ADGB: variants seen among roughly 807,000 people sequenced by gnomAD.
The protein encoded by ADGB is calpain-7-like protein.
In ADGB, 172 loss-of-function variants were observed where a neutral mutation model predicts 210.5. That is an observed-to-expected ratio of 0.82 (90% confidence interval 0.72 to 0.93). ADGB has a LOEUF of 0.93. Among genes scored for constraint, ADGB ranks in the 40% least tolerant of loss-of-function variants. The pLI, the probability that ADGB is intolerant of heterozygous loss-of-function variation, is 0.00. For synonymous variants in ADGB, 658 were observed against 662.7 expected, an observed-to-expected ratio of 0.99 and a Z score of 0.11; for missense variants, 2,025 against 1,964.8, an observed-to-expected ratio of 1.03 and a Z score of -0.58.
rs548440742 is a variant in ADGB at position 146,772,779 on chromosome 6, T to C, written c.3862+3648T>C. Among the ~76,000 whole-genome samples, 160 of 151,840 alleles carry C rather than the reference T, an allele frequency of 1.1e-3. 8 individuals carry two copies. The South Asian group carries it at 0.031, about 30-fold the overall frequency. The stretch of plus-strand genomic sequence containing the variant: ...AGTGTGTTATGTAAAATTTTGTAAA[T>C]TTGGGATATTTAGAAAAAAAAATGA... On this transcript the variant is annotated intron_variant, in intron 29 of 35. Transcript: ENST00000397944.
intron 33 of ADGB, among the ~76,000 whole-genome samples, chr6:146,797,620 C>A (rs1429351475): frequency 6.6e-6 from 1 of 152,016 alleles, no homozygotes; most frequent in Non-Finnish European, 1.5e-5. Flanking sequence ...TTCACAGCAA[C>A]CTGGATGCAG....
intron 5 of ADGB, among the ~76,000 whole-genome samples, chr6:146,662,344 T>C (rs908508204): frequency 1.3e-5 from 2 of 152,156 alleles, no homozygotes; most frequent in African/African-American, 4.8e-5. Context: ...ATTTTCCTGT[T>C]ATTCGTAATT....
chr6:146,802,752 G>C, intron 35 of ADGB: 3 of 1,562,622 alleles, frequency 1.9e-6, no homozygotes, highest in Non-Finnish European at 1.8e-6. Context: ...CACAGTTCAG[G>C]GATGTTTTGA....
chr6:146,788,454 G>T lies in ADGB; in HGVS notation c.4381G>T (p.Glu1461Ter), dbSNP rs1275576016. The change falls in exon 33 of 36, where the codon GAG (glutamate) becomes TAG (stop). Residue 1461 changes from glutamate (E) to a stop codon, truncating the protein, a stop_gained. Transcript: ENST00000397944. LOFTEE classifies it high-confidence loss of function. Reference protein sequence around the residue: ...SKNSAGSESKEMTQTGSGSAV... With the variant: ...SKNSAGSESK ...GAATTCTGCAGGTTCAGAGAGCAAA[G>T]AGATGACACAAACAGGATCAGGGAG... is the stretch of plus-strand genomic sequence containing the variant. 6.4e-7 allele frequency: 1 copy of T among 1,551,582 alleles called. No homozygotes were observed. Among genetic ancestry groups the T allele is most frequent in the African/African-American group, 1.4e-5 (1 of 73,118 alleles).
chr6:146,708,167 A>G (rs986595954), intron 13 of ADGB, among the ~76,000 whole-genome samples: 1 of 152,040 alleles, frequency 6.6e-6, no homozygotes, highest in African/African-American at 2.4e-5. Flanking sequence ...ATATCCCTTG[A>G]CAAATTATTG....
intron 3 of ADGB, among the ~76,000 whole-genome samples, chr6:146,653,282 A>T (rs1775730545): frequency 6.6e-6 from 1 of 151,960 alleles, no homozygotes; most frequent in Admixed American, 6.6e-5. Flanking sequence ...TACATATTAC[A>T]ATGGAATAAC....
intron 27 of ADGB, among the ~76,000 whole-genome samples, chr6:146,758,175 G>C (rs1244483959): frequency 6.6e-6 from 1 of 151,940 alleles, no homozygotes; most frequent in Non-Finnish European, 1.5e-5. Flanking sequence ...TCCATTTCTA[G>C]TTTTTTCTTT....
intron 24 of ADGB, 37 bp downstream of exon 24, chr6:146,740,630 T>A (rs2114597805): frequency 6.5e-7 from 1 of 1,536,684 alleles, no homozygotes; most frequent in African/African-American, 1.4e-5. Flanking sequence ...TGTCTCTAAA[T>A]GGCTTGCAAT....
At chr6:146,653,553 A>C (rs1019127694) in intron 3 of ADGB, among the ~76,000 whole-genome samples, 1 of 152,174 alleles carries the variant, frequency 6.6e-6, no homozygotes, top group Non-Finnish European at 1.5e-5. Context: ...ATACATCGAC[A>C]CATAGAAGGG....
Position 146,654,363 on chromosome 6 carries a change from G to T in ADGB, c.402+157G>T, listed in dbSNP as rs574092194. Among the ~76,000 whole-genome samples the T allele has an allele frequency of 4.0e-5, 6 of 151,648 alleles. 1 individual carries two copies. In the South Asian group the frequency reaches 1.3e-3, roughly 32 times the overall value. ...AATACCAAAAAATATATATGGGGGT[G>T]GGTGTTTGAGACAGAGTCTTGCTCT... is the stretch of plus-strand genomic sequence containing the variant. On this transcript the variant is annotated intron_variant, in intron 4 of 35. Transcript: ENST00000397944.
intron 1 of ADGB, among the ~76,000 whole-genome samples, chr6:146,612,737 TA>T (rs765866195): frequency 1.3e-5 from 2 of 151,976 alleles, no homozygotes; most frequent in Non-Finnish European, 2.9e-5. Context: ...CTGCTCTTTT[TA>T]AAAAAAGAAG....
At chr6:146,732,270 G>A (rs1776999066) in intron 20 of ADGB, among the ~76,000 whole-genome samples, 1 of 152,172 alleles carries the variant, frequency 6.6e-6, no homozygotes, top group Admixed American at 6.5e-5. Flanking sequence ...CAAACTCATA[G>A]CTGAAGCAGG....
intron 26 of ADGB, 151 bp from the exon 27 acceptor site, chr6:146,752,379 C>A: frequency 1.6e-6 from 1 of 634,588 alleles, no homozygotes; most frequent in Non-Finnish European, 2.6e-6. Flanking sequence ...CCCCAAGATC[C>A]AATTACCTCT....
chr6:146,733,870 A>C, intron 21 of ADGB, 23 bp from the exon 22 acceptor site: 2 of 1,551,310 alleles, frequency 1.3e-6, no homozygotes, highest in Non-Finnish European at 1.7e-6. Flanking sequence ...CTTTCAGTCC[A>C]AAGTTTGTTT....
rs940298985 is a variant in ADGB, at chr6:146,691,307, C to G, written c.1486+17C>G. The G allele has an allele frequency of 2.6e-6, 4 of 1,511,200 alleles. No individual in the cohort carries two copies. Among genetic ancestry groups the G allele is most frequent in the Admixed American group, 2.2e-5 (1 of 45,114 alleles). The allele number at this position is 1,511,200 out of a possible 1,614,324, so 93.6% of individuals were successfully genotyped here. ...AAGCTCAAGGTATGTATCACATCAT[C>G]TTCAAATCCTTCTAATTAATGTATG... On this transcript the variant is annotated intron_variant, in intron 11 of 35. Transcript: ENST00000397944.
chr6:146,747,721 C>T (rs148346726), intron 26 of ADGB, among the ~76,000 whole-genome samples: 6 of 150,832 alleles, frequency 4.0e-5, no homozygotes, highest in South Asian at 2.1e-4. Flanking sequence ...AAAATTATGT[C>T]GCATAGCATG....
chr6:146,692,850 G>A lies in ADGB; in HGVS notation c.1512G>A (p.Arg504=), dbSNP rs1322218550. The A allele has an allele frequency of 3.9e-6, 6 of 1,539,514 alleles. No homozygotes were observed. The highest frequency in any genetic ancestry group is 1.7e-4 in the Middle Eastern group (1 of 5,900). ...AGTTAATAGTAAAGAAGCCTGAACG[G>A]TTCCTTGAGATTTCAAGTCCATTTT... ...AQELIVKKPE[R]FLEISSPFLN... The change falls in exon 12 of 36, where the codon CGG becomes CGA. Residue 504 remains arginine (R), a synonymous_variant. Coordinates refer to ENST00000397944, the MANE Select transcript of ADGB (RefSeq NM_024694.4).
At chr6:146,723,835 T>G (rs1405440253) in intron 17 of ADGB, among the ~76,000 whole-genome samples, 1 of 152,214 alleles carries the variant, frequency 6.6e-6, no homozygotes, top group Non-Finnish European at 1.5e-5. Flanking sequence ...GTAATATGTT[T>G]TCTTCCTTTA....
intron 35 of ADGB, among the ~76,000 whole-genome samples, chr6:146,809,300 G>GAGGTCATAAGGGA: frequency 6.6e-6 from 1 of 152,166 alleles, no homozygotes; most frequent in Non-Finnish European, 1.5e-5. Context: ...TCCGCCTCCT[G>GAGGTCATAAGGGA]AGTTCAAGTG....
Sources: allele counts gnomAD v4.1 joint callset (sites outside exome capture counted in the v4.1 genomes callset), GRCh38; gene constraint gnomAD v4.1.1; transcripts MANE v1.5; gene names NCBI Gene and HGNC (gene_info 2026-07-23, HGNC 2026-07-21).